Variants in SHANK2 observed in about 807,000 individuals in gnomAD.
SHANK2 encodes SH3 and multiple ankyrin repeat domains protein 2.
A neutral mutation model predicts 133.7 loss-of-function variants in SHANK2; 43 were observed. The observed-to-expected ratio is 0.32, with a 90% CI of 0.25 to 0.41. The LOEUF (loss-of-function observed/expected upper bound fraction) is 0.41. Ranked by LOEUF, SHANK2 falls within the 10% of genes least tolerant of loss-of-function variation. SHANK2 has a pLI of 1.00. For missense variants in SHANK2, 1,994 were observed against 2,235.8 expected, an observed-to-expected ratio of 0.89 and a Z score of 2.18; for synonymous variants, 1,017 against 952.8, an observed-to-expected ratio of 1.07 and a Z score of -1.24.
intron 17 of SHANK2, among the ~76,000 whole-genome samples, chr11:70,585,850 G>T (rs1192681121): frequency 4.5e-5 from 1 of 22,102 alleles, no homozygotes; most frequent in East Asian, 1.1e-3. Flanking sequence ...ACCCACCCAT[G>T]CATTTGTCCA....
chr11:70,685,126 C>T (rs1018742941), intron 15 of SHANK2, among the ~76,000 whole-genome samples: 1 of 152,076 alleles, frequency 6.6e-6, no homozygotes, highest in East Asian at 1.9e-4. Context: ...CCCTGCCTTC[C>T]CATCTGACAG....
intron 25 of SHANK2, among the ~76,000 whole-genome samples, chr11:70,483,058 C>T (rs577971390): frequency 1.1e-4 from 17 of 152,188 alleles, no homozygotes; most frequent in Non-Finnish European, 1.5e-4. Context: ...GGATGCCCTG[C>T]TGACCTGAAC....
intron 2 of SHANK2, among the ~76,000 whole-genome samples, chr11:71,216,756 G>A (rs1021269534): frequency 3.0e-4 from 45 of 152,216 alleles, no homozygotes; most frequent in African/African-American, 9.2e-4. Context: ...TGATGCTGCT[G>A]GCCTAAACAG....
chr11:70,791,122 T>C (rs1372036897), intron 14 of SHANK2, among the ~76,000 whole-genome samples: 1 of 152,220 alleles, frequency 6.6e-6, no homozygotes, highest in Non-Finnish European at 1.5e-5. Context: ...GCAGCTGACA[T>C]TGAGCTACCT....
At chr11:70,795,407 C>CG (rs569388868) in intron 14 of SHANK2, among the ~76,000 whole-genome samples, 1 of 128,458 alleles carries the variant, frequency 7.8e-6, no homozygotes, top group Non-Finnish European at 1.6e-5. Context: ...CTTTCTTTTT[C>CG]TTTTTTTTTT....
intron 11 of SHANK2, among the ~76,000 whole-genome samples, chr11:70,865,367 C>T (rs1949336561): frequency 6.6e-6 from 1 of 152,154 alleles, no homozygotes; most frequent in Non-Finnish European, 1.5e-5. Context: ...CTAAATTTAG[C>T]CTCACAAAGA....
intron 10 of SHANK2, among the ~76,000 whole-genome samples, chr11:70,912,934 C>T (rs1341537673): frequency 5.3e-5 from 8 of 152,146 alleles, no homozygotes; most frequent in Non-Finnish European, 1.0e-4. Context: ...CAAAAATTGA[C>T]CACAAAAAGA....
chr11:70,498,454 A>G (rs1262115333), intron 21 of SHANK2, among the ~76,000 whole-genome samples: 1 of 152,186 alleles, frequency 6.6e-6, no homozygotes, highest in African/African-American at 2.4e-5. Context: ...TAGAGTCTGA[A>G]GGTACAGCCA....
At chr11:70,886,864 G>A (rs1565384396) in intron 11 of SHANK2, among the ~76,000 whole-genome samples, 1 of 151,902 alleles carries the variant, frequency 6.6e-6, no homozygotes. Context: ...GGCTAATCAG[G>A]CACCCAAACT....
rs1045785423 is a variant in SHANK2, at chr11:71,058,617, C to G, written c.1030-2059G>C. Among the ~76,000 whole-genome samples the G allele has an allele frequency of 9.5e-3, 1,447 of 152,380 alleles. 24 individuals are homozygous for G. The highest frequency in any genetic ancestry group is 0.03 in the African/African-American group (1,263 of 41,586). On this transcript the variant is annotated intron_variant, in intron 9 of 25. Coordinates refer to ENST00000601538, the MANE Select transcript of SHANK2 (RefSeq NM_012309.5). ...CCTGACACCGGGCTGGGGGCACCTTCTCCTACAGGACTCAGGGCCTCAGCG... is the reference window on the plus strand; with the variant it reads ...CCTGACACCGGGCTGGGGGCACCTTGTCCTACAGGACTCAGGGCCTCAGCG...
At chr11:71,085,302 C>T (rs1951363501) in intron 8 of SHANK2, among the ~76,000 whole-genome samples, 2 of 150,844 alleles carry the variant, frequency 1.3e-5, no homozygotes, top group South Asian at 2.1e-4. Context: ...ACTAAAAATA[C>T]AAAATTAGCT....
Position 71,138,808 on chromosome 11 carries a change from GAAAAGA to G in SHANK2, c.207+8306_207+8311del, listed in dbSNP as rs1351180938. Reference sequence around the variant, plus strand: ...CCTATCTCAAAAAAAAAAAAAAAAAGAAAAGAAAAAGAAAAAGAAAAAGAAAAATCT... The same window carrying G: ...CCTATCTCAAAAAAAAAAAAAAAAAGAAAAGAAAAAGAAAAAGAAAAATCT... On this transcript the variant is annotated intron_variant, in intron 3 of 25. Coordinates refer to ENST00000601538, the MANE Select transcript of SHANK2 (RefSeq NM_012309.5). Among the ~76,000 whole-genome samples, 362 of 135,902 alleles carry G rather than the reference GAAAAGA, an allele frequency of 2.7e-3. 2 individuals carry two copies. The highest frequency in any genetic ancestry group is 9.6e-3 in the African/African-American group (310 of 32,282). 89.2% of individuals were successfully genotyped at this position (135,902 alleles called of 152,430 possible).
chr11:70,493,373 T>TA (rs71049919), intron 21 of SHANK2, among the ~76,000 whole-genome samples: 1,539 of 123,432 alleles, frequency 0.012, 13 homozygotes, highest in East Asian at 0.02. Context: ...CCATTTCCTT[T>TA]AAAAAAAAAA....
chr11:70,680,662 T>G (rs1555018186), intron 15 of SHANK2, among the ~76,000 whole-genome samples: 1 of 152,052 alleles, frequency 6.6e-6, no homozygotes, highest in African/African-American at 2.4e-5. Context: ...AGTCACACAC[T>G]CACAGGCCCC....
At chr11:71,165,330 A>G (rs1245752014) in intron 2 of SHANK2, among the ~76,000 whole-genome samples, 1 of 152,144 alleles carries the variant, frequency 6.6e-6, no homozygotes, top group Non-Finnish European at 1.5e-5. Context: ...CACCACTCCC[A>G]GCCTTGTCTT....
At chr11:70,778,062 C>G (rs187632008) in intron 14 of SHANK2, among the ~76,000 whole-genome samples, 2 of 152,244 alleles carry the variant, frequency 1.3e-5, no homozygotes, top group African/African-American at 2.4e-5. Context: ...CCTCTCATAG[C>G]AGCCCTGTGG....
chr11:70,792,394 GCCAACCAACCAA>G lies in SHANK2; in HGVS notation c.1777+6037_1777+6048del, dbSNP rs57783483. 1.6e-3 allele frequency among the ~76,000 whole-genome samples: 227 copies of G among 144,194 alleles called. 1 individual carries two copies. Among genetic ancestry groups the G allele is most frequent in the African/African-American group, 2.4e-3 (93 of 38,662 alleles). 94.6% of individuals were successfully genotyped at this position (144,194 alleles called of 152,430 possible). On this transcript the variant is annotated intron_variant, in intron 14 of 25. Coordinates refer to ENST00000601538, the MANE Select transcript of SHANK2 (RefSeq NM_012309.5). ...AACCAACCAACCAACCAGCCAACCA[GCCAACCAACCAA>G]CCAACCAACCAACCAACCAACCAAC...
At chr11:71,146,573 G>A (rs1952650184) in intron 3 of SHANK2, among the ~76,000 whole-genome samples, 1 of 152,228 alleles carries the variant, frequency 6.6e-6, no homozygotes, top group Non-Finnish European at 1.5e-5. Context: ...GGGCGGCACA[G>A]GAATGACATT....
intron 17 of SHANK2, among the ~76,000 whole-genome samples, chr11:70,580,944 C>T (rs782243898): frequency 6.6e-6 from 1 of 152,216 alleles, no homozygotes; most frequent in African/African-American, 2.4e-5. Context: ...TGTCACTCTG[C>T]CCTGACCTGG....
Sources: allele counts gnomAD v4.1 joint callset (sites outside exome capture counted in the v4.1 genomes callset), GRCh38; gene constraint gnomAD v4.1.1; transcripts MANE v1.5; gene names NCBI Gene and HGNC (gene_info 2026-07-23, HGNC 2026-07-21).